The following GLMN variants were observed in gnomAD, a reference collection of about 807,000 sequenced individuals.
The protein encoded by GLMN is glomulin, FKBP associated protein, also known as glomulin.
A neutral mutation model predicts 87.8 loss-of-function variants in GLMN; 75 were observed. That is an observed-to-expected ratio of 0.85 (90% CI 0.71 to 1.04). The LOEUF (loss-of-function observed/expected upper bound fraction) is 1.04, where lower values mean the gene tolerates loss of function less well. Ranked by LOEUF, GLMN falls within the 50% of genes least tolerant of loss-of-function variation. The pLI is 0.00. For synonymous variants in GLMN, 206 were observed against 221.6 expected (o/e 0.93, Z 0.63); for missense variants, 588 against 658.8 (o/e 0.89, Z 1.18).
chr1:92,311,425 T>C, the GLMN span, among the ~76,000 whole-genome samples: 10 of 152,346 alleles, frequency 6.6e-5, no homozygotes, highest in African/African-American at 2.4e-4. Flanking sequence ...AAGGTCTGTC[T>C]CAATAATTTT....
chr1:92,350,019 G>T, the GLMN span, among the ~76,000 whole-genome samples: 3 of 152,262 alleles, frequency 2.0e-5, no homozygotes, highest in Admixed American at 2.0e-4. Context: ...AATCTGACCA[G>T]TTGGTACAGT....
chr1:92,280,469 C>A (rs999091680), intron 7 of GLMN, among the ~76,000 whole-genome samples: 1 of 152,198 alleles, frequency 6.6e-6, no homozygotes, highest in Non-Finnish European at 1.5e-5. Flanking sequence ...AGGTCACCAA[C>A]ATCAAAGACC....
upstream of GLMN, chr1:92,301,354 AT>A (rs1650845451): frequency 1.3e-5 from 5 of 399,540 alleles, no homozygotes; most frequent in African/African-American, 8.5e-5. Context: ...TATTCAAAAA[AT>A]TTTTTAAATA....
chr1:92,341,058 G>A, the GLMN span, among the ~76,000 whole-genome samples: 1 of 151,874 alleles, frequency 6.6e-6, no homozygotes, highest in Non-Finnish European at 1.5e-5. Flanking sequence ...ACCCAGGTTG[G>A]ACTGCCGTGT....
the GLMN span, among the ~76,000 whole-genome samples, chr1:92,315,311 G>A: frequency 6.6e-6 from 1 of 152,194 alleles, no homozygotes; most frequent in African/African-American, 2.4e-5. Context: ...GACATTTTAT[G>A]TGGGCTTGGT....
intron 9 of GLMN, 143 bp from the exon 10 acceptor site, chr1:92,268,278 A>T (rs1159561897): frequency 4.8e-6 from 3 of 620,776 alleles, no homozygotes; most frequent in Non-Finnish European, 8.6e-6. Flanking sequence ...GAAGAACTTG[A>T]TCAAAAGTTT....
the GLMN span, among the ~76,000 whole-genome samples, chr1:92,306,517 G>A: frequency 2.0e-5 from 3 of 152,186 alleles, no homozygotes; most frequent in Non-Finnish European, 4.4e-5. Context: ...AGTACACAGT[G>A]AAAATTAATA....
chr1:92,267,789 G>C lies in GLMN; in HGVS notation c.1098+124C>G, dbSNP rs1292322276. The C allele has an allele frequency of 4.3e-6, 3 of 704,718 alleles. No individual in the cohort carries two copies. In the African/African-American group the frequency reaches 5.3e-5, roughly 12 times the overall value. 43.7% of individuals were successfully genotyped at this position (704,718 alleles called of 1,614,324 possible). On this transcript the variant is annotated intron_variant, in intron 11 of 18. Transcript: ENST00000370360. ...CATATTGTCAAAGTTCTACTGGACA[G>C]CATTACACCAGAGTTTTCAAAGGTT...
chr1:92,269,736 C>T lies in GLMN; in HGVS notation c.964G>A (p.Val322Ile). 6.2e-7 allele frequency: 1 copy of T among 1,608,880 alleles called. No homozygotes were observed. The highest frequency in any genetic ancestry group is 2.2e-5 in the East Asian group (1 of 44,774). ...LLQFNMGHIE[V>I]FLQRTEESVI... ...AAACGATCTTACCTTTGCAAAAAGA[C>T]TTCAATGTGCCCCATATTAAACTGC... is the stretch of plus-strand genomic sequence containing the variant. Residue 322 changes from valine to isoleucine, a missense_variant, in exon 9 of 19, where the codon GTC becomes ATC. Coordinates refer to ENST00000370360, the MANE Select transcript of GLMN (RefSeq NM_053274.3).
chr1:92,340,692 A>AT, the GLMN span, among the ~76,000 whole-genome samples: 1 of 152,138 alleles, frequency 6.6e-6, no homozygotes, highest in African/African-American at 2.4e-5. Context: ...TTAAGAGCCT[A>AT]TTTTGGGACC....
intron 8 of GLMN, among the ~76,000 whole-genome samples, chr1:92,271,058 C>T (rs1656186931): frequency 1.3e-5 from 2 of 152,132 alleles, no homozygotes; most frequent in South Asian, 4.1e-4. Flanking sequence ...TCTTTTAAGG[C>T]TTCGCTTTCT....
chr1:92,347,539 G>A, the GLMN span, among the ~76,000 whole-genome samples: 1 of 152,178 alleles, frequency 6.6e-6, no homozygotes, highest in Admixed American at 6.5e-5. Flanking sequence ...ACTGCTTACT[G>A]AAGACACATT....
chr1:92,305,338 C>CAGGAGAATG, the GLMN span, among the ~76,000 whole-genome samples: 1 of 147,396 alleles, frequency 6.8e-6, no homozygotes, highest in Non-Finnish European at 1.5e-5. Context: ...GAGGCTGAGG[C>CAGGAGAATG]AGGAGAATGG....
At position 92,268,092 on chromosome 1, in the gene GLMN, A is replaced by G; in HGVS notation, c.1008+13T>C. 1 of 1,460,484 alleles carries G rather than the reference A, an allele frequency of 6.8e-7. No individual in the cohort carries two copies. The highest frequency in any genetic ancestry group is 9.6e-7 in the Non-Finnish European group (1 of 1,040,572). 90.5% of individuals were successfully genotyped at this position (1,460,484 alleles called of 1,614,324 possible). A position where few individuals can be genotyped will look rare whatever the true frequency, so the allele number is the denominator to read the frequency against. On this transcript the variant is annotated intron_variant, in intron 10 of 18. Transcript: ENST00000370360. ...ACTATGTATTTAAGTTATAATGGGA[A>G]CAAACATCTTACCAATCCTTTGGAG...
chr1:92,363,800 GCTTAA>G, the GLMN span: 1 of 273,916 alleles, frequency 3.7e-6, no homozygotes, highest in South Asian at 3.9e-5. Flanking sequence ...TTTATGATTT[GCTTAA>G]CATTTTTTTT....
At chr1:92,299,190 G>A, upstream of GLMN, 1 of 1,257,558 alleles carries the variant, frequency 8.0e-7, no homozygotes, top group South Asian at 1.5e-5. Flanking sequence ...CTGAAAGCTG[G>A]GCCCCGATCT....
chr1:92,355,347 T>C, the GLMN span, among the ~76,000 whole-genome samples: 1 of 152,164 alleles, frequency 6.6e-6, no homozygotes, highest in African/African-American at 2.4e-5. Context: ...GTATGAGGGA[T>C]TGGAGTAAAT....
At chr1:92,361,116 CATATAT>C in the GLMN span, among the ~76,000 whole-genome samples, 7 of 148,304 alleles carry the variant, frequency 4.7e-5, no homozygotes, top group East Asian at 2.0e-4. Context: ...CACACACACA[CATATAT>C]ATATATATAC....
chr1:92,316,188 A>G, the GLMN span, among the ~76,000 whole-genome samples: 1 of 152,192 alleles, frequency 6.6e-6, no homozygotes, highest in Non-Finnish European at 1.5e-5. Flanking sequence ...TGACAGAGCT[A>G]AAAGCGCCAT....
Sources: allele counts gnomAD v4.1 joint callset (sites outside exome capture counted in the v4.1 genomes callset), GRCh38; gene constraint gnomAD v4.1.1; transcripts MANE v1.5; gene names NCBI Gene and HGNC (gene_info 2026-07-23, HGNC 2026-07-21).